Variants in MTAP observed in about 807,000 individuals in gnomAD.
MTAP encodes the protein methylthioadenosine phosphorylase, also known as S-methyl-5'-thioadenosine phosphorylase.
Under a neutral mutation model 33.6 loss-of-function variants are expected in MTAP, and 33 were observed. That is an observed-to-expected ratio of 0.98 (90% CI 0.74 to 1.31). The LOEUF is 1.31. MTAP is among the 40% of genes most tolerant of loss of function. The pLI is 0.00. For missense variants in MTAP, 367 were observed against 360.0 expected (o/e 1.02, Z -0.16); for synonymous variants, 148 against 125.7 (o/e 1.18, Z -1.19).
At chr9:21,810,359 A>G (rs1030400758) in intron 1 of MTAP, among the ~76,000 whole-genome samples, 2 of 152,202 alleles carry the variant, frequency 1.3e-5, no homozygotes, top group East Asian at 1.9e-4. Context: ...GAGACAGGGT[A>G]ATTTATAAAG....
At chr9:21,877,106 A>T (rs920469028) in intron 1 of MTAP, among the ~76,000 whole-genome samples, 1 of 151,934 alleles carries the variant, frequency 6.6e-6, no homozygotes, top group African/African-American at 2.4e-5. Context: ...TAGGTATTTT[A>T]TTCTTCTTGT....
intron 1 of MTAP, among the ~76,000 whole-genome samples, chr9:21,904,868 A>G (rs1441801556): frequency 6.6e-6 from 1 of 152,176 alleles, no homozygotes; most frequent in Non-Finnish European, 1.5e-5. Context: ...TTACCTACTC[A>G]TTATTCCTTA....
chr9:21,921,609 A>G (rs1818788799), intron 1 of MTAP, among the ~76,000 whole-genome samples: 2 of 152,206 alleles, frequency 1.3e-5, no homozygotes, highest in Admixed American at 6.5e-5. Flanking sequence ...CTCAAGAACA[A>G]TGGAATGTAG....
chr9:21,837,987 C>T lies in MTAP; in HGVS notation c.427C>T (p.Pro143Ser). The T allele has an allele frequency of 3.7e-6, 6 of 1,613,922 alleles. No homozygotes were observed. The highest frequency in any genetic ancestry group is 5.1e-6 in the Non-Finnish European group (6 of 1,179,898). Residue 143 changes from proline to serine, a missense_variant, in exon 5 of 8, where the codon CCG becomes TCG. Transcript: ENST00000644715. ...RGVCHIPMAEPFCPKTREVLI... is the reference protein window; with the variant it reads ...RGVCHIPMAESFCPKTREVLI... The stretch of plus-strand genomic sequence containing the variant: ...AGTGTGCCATATTCCAATGGCTGAG[C>T]CGTTTTGCCCCAAAACGAGAGAGGT...
At chr9:21,840,106 G>A (rs1158136865) in intron 5 of MTAP, among the ~76,000 whole-genome samples, 1 of 151,984 alleles carries the variant, frequency 6.6e-6, no homozygotes, top group African/African-American at 2.4e-5. Context: ...GGCACCTATA[G>A]TCCCAGCTAC....
chr9:21,816,279 T>C (rs1200640604), intron 2 of MTAP, among the ~76,000 whole-genome samples: 1 of 152,200 alleles, frequency 6.6e-6, no homozygotes. Flanking sequence ...CTCAAGTCAT[T>C]TCCATGATCA....
At chr9:21,861,651 G>T (rs1825755733) in intron 7 of MTAP, 5 of 277,354 alleles carry the variant, frequency 1.8e-5, no homozygotes, top group Admixed American at 1.5e-4. Context: ...CTTACAGTGG[G>T]GTAAGGATAA....
intron 1 of MTAP, among the ~76,000 whole-genome samples, chr9:21,927,231 T>C (rs1432927571): frequency 6.6e-6 from 1 of 152,190 alleles, no homozygotes; most frequent in African/African-American, 2.4e-5. Context: ...TAGGTTACTT[T>C]TTAAAGAACC....
At chr9:21,892,270 A>G (rs999799764) in intron 1 of MTAP, 6 of 152,208 alleles carry the variant, frequency 3.9e-5, no homozygotes, top group African/African-American at 1.4e-4. Context: ...TGCACATAGT[A>G]ATATTAACCT....
chr9:21,844,845 C>T (rs963687265), intron 5 of MTAP, among the ~76,000 whole-genome samples: 2 of 152,110 alleles, frequency 1.3e-5, no homozygotes, highest in Non-Finnish European at 1.5e-5. Flanking sequence ...TCCTGGCTAA[C>T]ACGGTGAAAC....
intron 4 of MTAP, among the ~76,000 whole-genome samples, chr9:21,820,247 G>T (rs1415465359): frequency 2.6e-5 from 4 of 152,148 alleles, no homozygotes; most frequent in Non-Finnish European, 5.9e-5. Context: ...TATTGCCTAG[G>T]TTTTCTTCTA....
chr9:21,925,117 G>A (rs143210553), intron 1 of MTAP, among the ~76,000 whole-genome samples: 59 of 152,336 alleles, frequency 3.9e-4, no homozygotes, highest in African/African-American at 1.4e-3. Context: ...GGGCATATGG[G>A]CAAAGAATTG....
rs117612363 is a variant in MTAP at position 21,847,273 on chromosome 9, A to G, written c.451-7358A>G. On this transcript the variant is annotated intron_variant, in intron 5 of 7. Coordinates refer to ENST00000644715, the MANE Select transcript of MTAP (RefSeq NM_002451.4). ...GTGAGTTAATACTTAATAAACTCCCATTTATCTATCTGTCCCATTAGTTCT... is the reference window on the plus strand; with the variant it reads ...GTGAGTTAATACTTAATAAACTCCCGTTTATCTATCTGTCCCATTAGTTCT... 6.7e-3 allele frequency among the ~76,000 whole-genome samples: 1,023 copies of G among 152,244 alleles called. 19 individuals are homozygous for G. Among genetic ancestry groups the G allele is most frequent in the East Asian group, 0.054 (279 of 5,172 alleles).
intron 1 of MTAP, among the ~76,000 whole-genome samples, chr9:21,914,996 TTTCTTTCCTTCC>T (rs1304079893): frequency 1.7e-5 from 2 of 119,966 alleles, no homozygotes; most frequent in Non-Finnish European, 3.2e-5. Context: ...AATACTTTGT[TTTCTTTCCTTCC>T]TTCCTTCCTT....
At chr9:21,891,855 A>C (rs1818206322) in intron 1 of MTAP, among the ~76,000 whole-genome samples, 1 of 152,206 alleles carries the variant, frequency 6.6e-6, no homozygotes, top group South Asian at 2.1e-4. Context: ...CAAAAGAAAA[A>C]AATACTAAAA....
At chr9:21,869,252 T>C, downstream of MTAP, among the ~76,000 whole-genome samples, 1 of 152,176 alleles carries the variant, frequency 6.6e-6, no homozygotes, top group East Asian at 1.9e-4. Flanking sequence ...GTCCTCTTCA[T>C]TTCAGATTTT....
chr9:21,862,806 A>G lies in MTAP; in HGVS notation c.*792A>G, dbSNP rs530638084. On this transcript the variant is annotated 3_prime_UTR_variant, in exon 8 of 8. Transcript: ENST00000644715. ...ACAAAAAAACTAGAAAGAAATATATATAACCTTGTTATTGTATTTGGGGGA... is the reference window on the plus strand; with the variant it reads ...ACAAAAAAACTAGAAAGAAATATATGTAACCTTGTTATTGTATTTGGGGGA... 4.8e-5 allele frequency: 17 copies of G among 354,676 alleles called. No individual in the cohort carries two copies. Among genetic ancestry groups the G allele is most frequent in the African/African-American group, 3.6e-4 (16 of 44,848 alleles). 22.0% of individuals were successfully genotyped at this position (354,676 alleles called of 1,614,324 possible).
rs765521119 is a variant in MTAP, at chr9:21,837,910, C to T, written c.350C>T (p.Thr117Ile). ...ACCTTTTTTGCTTTATTTTGTAGGA[C>T]CACTATGAGACCTCAGTCCTTCTAT... ...IVIIDQFIDRTTMRPQSFYDG... is the reference protein window; with the variant it reads ...IVIIDQFIDRITMRPQSFYDG... The change falls in exon 5 of 8, where the codon ACC (threonine) becomes ATC (isoleucine). Residue 117 changes from threonine (T) to isoleucine (I), a missense_variant and splice_region_variant. Thr to Ile is a moderately conservative substitution (Grantham distance 89). Coordinates refer to ENST00000644715, the MANE Select transcript of MTAP (RefSeq NM_002451.4). The T allele has an allele frequency of 6.2e-7, 1 of 1,612,448 alleles. No homozygotes were observed. The highest frequency in any genetic ancestry group is 2.2e-5 in the East Asian group (1 of 44,824).
downstream of MTAP, chr9:21,940,957 A>G (rs1372953377): frequency 4.1e-6 from 4 of 983,294 alleles, no homozygotes; most frequent in Non-Finnish European, 4.8e-6. Context: ...CAACCCTCTT[A>G]TATTTGCTTT....
Sources: allele counts gnomAD v4.1 joint callset (sites outside exome capture counted in the v4.1 genomes callset), GRCh38; gene constraint gnomAD v4.1.1; transcripts MANE v1.5; gene names NCBI Gene and HGNC (gene_info 2026-07-23, HGNC 2026-07-21).